Variants in MC2R observed in about 807,000 individuals in gnomAD.
The protein encoded by MC2R is adrenocorticotropic hormone receptor.
MC2R carries 9 observed loss-of-function variants against 9.8 expected under a neutral mutation model. The ratio of observed to expected loss-of-function variants is 0.92; its 90% CI spans 0.55 to 1.60. MC2R has a LOEUF of 1.60. Among genes scored for constraint, MC2R ranks in the 40% most tolerant of loss-of-function variants. The pLI is 0.00. For missense variants in MC2R, 370 were observed against 389.0 expected (o/e 0.95, Z 0.41); for synonymous variants, 185 against 154.7 (o/e 1.20, Z -1.45).
At chr18:13,908,204 G>T (rs1190308758) in intron 1 of MC2R, among the ~76,000 whole-genome samples, 1 of 152,162 alleles carries the variant, frequency 6.6e-6, no homozygotes, top group African/African-American at 2.4e-5. Context: ...CATAAAGAAT[G>T]AAATCTTGTC....
chr18:13,914,777 G>T (rs1221368075), intron 1 of MC2R, among the ~76,000 whole-genome samples: 1 of 152,220 alleles, frequency 6.6e-6, no homozygotes, highest in Admixed American at 6.5e-5. Context: ...TAGGTAACAT[G>T]TGCCCCCCGA....
rs1567895488 is a variant in MC2R at position 13,884,863 on chromosome 18, ATGGCCCCTTTCATGT to A, written c.641_655del (p.Asn214_Ala218del). 1 of 1,614,034 alleles carries A rather than the reference ATGGCCCCTTTCATGT, an allele frequency of 6.2e-7. No individual in the cohort carries two copies. The highest frequency in any genetic ancestry group is 8.5e-7 in the Non-Finnish European group (1 of 1,180,014). ...GACCCCGAGCAGGATGGTCAGTGTG[ATGGCCCCTTTCATGT>A]TGGCTCTGGGGAGGGTGGAGATCTT... On this transcript the variant is annotated inframe_deletion, in exon 2 of 2. Coordinates refer to ENST00000327606, the MANE Select transcript of MC2R (RefSeq NM_000529.2).
intron 1 of MC2R, among the ~76,000 whole-genome samples, chr18:13,912,883 A>G (rs754485203): frequency 2.9e-4 from 44 of 151,930 alleles, no homozygotes; most frequent in Non-Finnish European, 4.3e-4. Context: ...CATAGGCTCA[A>G]TTATGAGAGG....
rs370962782 is a variant in MC2R at position 13,884,613 on chromosome 18, G to A, written c.*12C>T. 4 of 1,611,032 alleles carry A rather than the reference G, an allele frequency of 2.5e-6. No individual in the cohort carries two copies. Among genetic ancestry groups the A allele is most frequent in the Non-Finnish European group, 3.4e-6 (4 of 1,179,952 alleles). ...TTATTCCCATGGATTCTAAAACCAG[G>A]GATCAGCCATTCTACCAGTACCTGC... is the stretch of plus-strand genomic sequence containing the variant. On this transcript the variant is annotated 3_prime_UTR_variant, in exon 2 of 2. Transcript: ENST00000327606.
chr18:13,902,412 C>A (rs894892132), intron 1 of MC2R, among the ~76,000 whole-genome samples: 1 of 152,024 alleles, frequency 6.6e-6, no homozygotes, highest in African/African-American at 2.4e-5. Flanking sequence ...AACAGAACTG[C>A]AGGAATCACA....
At position 13,885,264 on chromosome 18, in the gene MC2R, T is replaced by A; in HGVS notation, c.255A>T (p.Ile85=). Residue 85 remains isoleucine, a synonymous_variant, in exon 2 of 2, where the codon ATA becomes ATT. Coordinates refer to ENST00000327606, the MANE Select transcript of MC2R (RefSeq NM_000529.2). ...GCTTGAGATAGCCCATGTTTCTCAA[T>A]ATGATCAGGATATTTTCCAAGATCT... ...LYKILENILI[I]LRNMGYLKPR... 1 of 1,614,134 alleles carries A rather than the reference T, an allele frequency of 6.2e-7. No homozygotes were observed. Among genetic ancestry groups the A allele is most frequent in the Non-Finnish European group, 8.5e-7 (1 of 1,180,026 alleles).
intron 1 of MC2R, among the ~76,000 whole-genome samples, chr18:13,886,325 T>C (rs28926175): frequency 0.023 from 3,562 of 152,366 alleles, 54 homozygotes; most frequent in East Asian, 0.079. Context: ...CGAGAGATGA[T>C]AGCAAAGATT....
intron 1 of MC2R, among the ~76,000 whole-genome samples, chr18:13,913,130 G>A (rs771317217): frequency 1.3e-5 from 2 of 152,048 alleles, no homozygotes; most frequent in African/African-American, 4.8e-5. Context: ...GGAAAGTCCC[G>A]AGAATGGAAG....
At chr18:13,889,819 T>C (rs2045304438) in intron 1 of MC2R, among the ~76,000 whole-genome samples, 1 of 152,216 alleles carries the variant, frequency 6.6e-6, no homozygotes, top group Non-Finnish European at 1.5e-5. Context: ...GGTCTCATTT[T>C]AATCCTCTTG....
chr18:13,888,485 C>T (rs2045291602), intron 1 of MC2R, among the ~76,000 whole-genome samples: 2 of 152,178 alleles, frequency 1.3e-5, no homozygotes, highest in African/African-American at 4.8e-5. Flanking sequence ...GAAGCTACCC[C>T]AGAAAGGTTG....
intron 1 of MC2R, among the ~76,000 whole-genome samples, chr18:13,900,310 A>G (rs890584418): frequency 5.9e-5 from 9 of 152,140 alleles, no homozygotes; most frequent in Non-Finnish European, 1.0e-4. Context: ...GCAGAAAATC[A>G]TCACTTTTAC....
chr18:13,885,621 G>A lies in MC2R; in HGVS notation c.-103C>T. On this transcript the variant is annotated 5_prime_UTR_variant, in exon 2 of 2. Coordinates refer to ENST00000327606, the MANE Select transcript of MC2R (RefSeq NM_000529.2). ...TTTCTTCCTTGTAGCACTTGCTGGAGATCTAAGTTAAAATCTCCCAATCAC... is the reference window on the plus strand; with the variant it reads ...TTTCTTCCTTGTAGCACTTGCTGGAAATCTAAGTTAAAATCTCCCAATCAC... The A allele has an allele frequency of 7.6e-7, 1 of 1,311,708 alleles. No homozygotes were observed. The highest frequency in any genetic ancestry group is 1.1e-6 in the Non-Finnish European group (1 of 923,290). 81.3% of individuals were successfully genotyped at this position (1,311,708 alleles called of 1,614,324 possible).
Position 13,885,098 on chromosome 18 carries a change from T to C in MC2R, c.421A>G (p.Ile141Val). 6.2e-7 allele frequency: 1 copy of C among 1,614,190 alleles called. No individual in the cohort carries two copies. The highest frequency in any genetic ancestry group is 8.5e-7 in the Non-Finnish European group (1 of 1,180,050). The change falls in exon 2 of 2, where the codon ATC (isoleucine) becomes GTC (valine). Residue 141 changes from isoleucine to valine, a missense_variant. Ile to Val is a conservative substitution (Grantham distance 29). Transcript: ENST00000327606. ...ACCACAGTGCGGCGCATGGTCACGA[T>C]GCTGTGGTACCGCAGTGCGTGGAAG... ...TIFHALRYHS[I>V]VTMRRTVVVL... is the part of the protein sequence containing the mutation.
chr18:13,898,514 G>A (rs2045359872), intron 1 of MC2R, among the ~76,000 whole-genome samples: 2 of 152,284 alleles, frequency 1.3e-5, no homozygotes, highest in Middle Eastern at 3.4e-3. Flanking sequence ...AGAGCCCCAG[G>A]GCCTTGAGTG....
chr18:13,910,111 A>G (rs549073703), intron 1 of MC2R, among the ~76,000 whole-genome samples: 2 of 152,322 alleles, frequency 1.3e-5, no homozygotes, highest in African/African-American at 4.8e-5. Context: ...AATAAGATCT[A>G]TGTTTAAAAT....
intron 1 of MC2R, among the ~76,000 whole-genome samples, chr18:13,902,234 G>A (rs750345916): frequency 2.3e-4 from 35 of 152,180 alleles, no homozygotes; most frequent in South Asian, 4.1e-4. Context: ...AAACTGGGTA[G>A]AGAAGGAACA....
intron 1 of MC2R, among the ~76,000 whole-genome samples, chr18:13,911,524 C>T (rs143681646): frequency 1.6e-3 from 248 of 152,278 alleles, no homozygotes; most frequent in African/African-American, 5.8e-3. Flanking sequence ...TATCTTTGGA[C>T]GAGTGCCTGG....
rs114352006 is a variant in MC2R at position 13,912,362 on chromosome 18, G to A, written c.-129+3126C>T. Among the ~76,000 whole-genome samples the A allele has an allele frequency of 7.0e-3, 1,058 of 152,220 alleles. 10 individuals are homozygous for A. The highest frequency in any genetic ancestry group is 0.024 in the African/African-American group (1,010 of 41,520). On this transcript the variant is annotated intron_variant, in intron 1 of 1. Coordinates refer to ENST00000327606, the MANE Select transcript of MC2R (RefSeq NM_000529.2). ...TACTTGCTTAAGGTCACCCAGCTGCGAATCTGCCTCATTCCAAGGTCTGTG... is the reference window on the plus strand; with the variant it reads ...TACTTGCTTAAGGTCACCCAGCTGCAAATCTGCCTCATTCCAAGGTCTGTG...
chr18:13,892,438 G>A (rs1000102815), intron 1 of MC2R, among the ~76,000 whole-genome samples: 4 of 152,108 alleles, frequency 2.6e-5, no homozygotes, highest in South Asian at 2.1e-4. Context: ...CCTCCCCACC[G>A]GCACCCATCC....
Sources: gnomAD v4.1 joint callset for allele counts (sites outside exome capture counted in the v4.1 genomes callset) on GRCh38, gnomAD v4.1.1 for gene constraint, MANE v1.5 for transcripts, NCBI Gene and HGNC (gene_info 2026-07-23, HGNC 2026-07-21) for gene names.